Variants in USP34 observed in about 807,000 individuals in gnomAD.
The protein encoded by USP34 is ubiquitin carboxyl-terminal hydrolase 34.
USP34 carries 70 observed loss-of-function variants against 460.3 expected under a neutral mutation model. The ratio of observed to expected loss-of-function variants is 0.15; its 90% CI spans 0.13 to 0.19. The LOEUF is 0.19. Among genes scored for constraint, USP34 ranks in the 10% least tolerant of loss-of-function variants. The pLI is 1.00. For missense variants in USP34, 3,985 were observed against 4,236.2 expected (o/e 0.94, Z 1.65); for synonymous variants, 1,647 against 1,405.3 (o/e 1.17, Z -3.85).
At position 61,206,073 on chromosome 2, in the gene USP34, T is replaced by C; in HGVS notation, c.9098A>G (p.Lys3033Arg). ...ATAGGAATTAAGAAGAGTTAACAGTTTATGGGCAAATTCAATTCGCTCCTG... is the reference window on the plus strand; with the variant it reads ...ATAGGAATTAAGAAGAGTTAACAGTCTATGGGCAAATTCAATTCGCTCCTG... ...QWQERIEFAH[K>R]LLTLLNSYSP... is the part of the protein sequence containing the mutation. Residue 3033 changes from lysine to arginine, a missense_variant, in exon 72 of 80, where the codon AAA (lysine) becomes AGA (arginine). By Grantham distance (26) the Lys-to-Arg change is conservative. Coordinates refer to ENST00000398571, the MANE Select transcript of USP34 (RefSeq NM_014709.4). The C allele has an allele frequency of 1.2e-6, 2 of 1,613,834 alleles. No homozygotes were observed. Among genetic ancestry groups the C allele is most frequent in the Non-Finnish European group, 1.7e-6 (2 of 1,179,848 alleles).
intron 13 of USP34, 41 bp downstream of exon 13, chr2:61,349,209 A>T (rs780791336): frequency 1.1e-5 from 18 of 1,595,480 alleles, no homozygotes; most frequent in Admixed American, 9.1e-5. Flanking sequence ...CACTATAAAA[A>T]ACTAAGTCAT....
Position 61,310,995 on chromosome 2 carries a change from A to G in USP34, c.3817+545T>C, listed in dbSNP as rs114310150. Among the ~76,000 whole-genome samples the G allele has an allele frequency of 5.8e-3, 876 of 152,314 alleles. 9 individuals are homozygous for G. Among genetic ancestry groups the G allele is most frequent in the African/African-American group, 0.02 (837 of 41,582 alleles). On this transcript the variant is annotated intron_variant, in intron 27 of 79. Transcript: ENST00000398571. ...AATAGCATCTGAAGCAACTCTCAGC[A>G]TCTTCTTACCTAAGAATCAATGGTA...
chr2:61,335,150 GATA>G (rs1691379025), intron 18 of USP34, among the ~76,000 whole-genome samples: 1 of 152,136 alleles, frequency 6.6e-6, no homozygotes, highest in Non-Finnish European at 1.5e-5. Context: ...TTGGCCTGGT[GATA>G]ATAATTTATG....
At chr2:61,280,889 A>G (rs1211553084) in intron 38 of USP34, among the ~76,000 whole-genome samples, 1 of 152,166 alleles carries the variant, frequency 6.6e-6, no homozygotes, top group Non-Finnish European at 1.5e-5. Context: ...ACAGAGCTGA[A>G]ATCAGTCTCT....
At chr2:61,346,023 A>G (rs1338452030) in intron 15 of USP34, among the ~76,000 whole-genome samples, 3 of 152,324 alleles carry the variant, frequency 2.0e-5, no homozygotes, top group East Asian at 1.9e-4. Context: ...CAGATAACCA[A>G]AAAGTTTTAT....
In USP34 at chr2:61,295,029, T is replaced by G. The variant is rs757069244; in HGVS notation, c.4381A>C (p.Ser1461Arg). 1 of 1,610,962 alleles carries G rather than the reference T, an allele frequency of 6.2e-7. No homozygotes were observed. Among genetic ancestry groups the G allele is most frequent in the African/African-American group, 1.3e-5 (1 of 74,740 alleles). Residue 1461 changes from serine to arginine, a missense_variant, in exon 32 of 80, where the codon AGT becomes CGT. Physicochemically the swap from Ser to Arg is moderately radical, Grantham distance 110. Transcript: ENST00000398571. ...NRRIRRESTG[S>R]YSDLYPDSDD... ...GAATCTGGATAAAGATCACTGTAAC[T>G]TCCCTATGAGAAAGGCAAAAAAAGT...
At chr2:61,363,778 A>G (rs1329103766) in intron 10 of USP34, among the ~76,000 whole-genome samples, 2 of 152,196 alleles carry the variant, frequency 1.3e-5, no homozygotes, top group African/African-American at 4.8e-5. Context: ...AGCATTACTC[A>G]TAATATCCAA....
intron 7 of USP34, among the ~76,000 whole-genome samples, chr2:61,379,765 C>A (rs931017380): frequency 1.3e-5 from 2 of 152,224 alleles, no homozygotes; most frequent in Admixed American, 1.3e-4. Context: ...GTATTTAAGA[C>A]TATTCAAAAC....
rs118150945 is a variant in USP34, at chr2:61,237,899, T to C, written c.6778-1510A>G. On this transcript the variant is annotated intron_variant, in intron 53 of 79. Transcript: ENST00000398571. ...CCAGCCACCCTAGCTATTTTCTTTTTTCTTTTCTTTTTTTTGAGACAAGTT... is the reference window on the plus strand; with the variant it reads ...CCAGCCACCCTAGCTATTTTCTTTTCTCTTTTCTTTTTTTTGAGACAAGTT... Among the ~76,000 whole-genome samples, 137 of 151,734 alleles carry C rather than the reference T, an allele frequency of 9.0e-4. 1 individual carries two copies. The East Asian group carries it at 0.026, about 29-fold the overall frequency.
chr2:61,206,737 A>G (rs1687131223), intron 71 of USP34, 23 bp downstream of exon 71: 5 of 1,604,256 alleles, frequency 3.1e-6, no homozygotes, highest in Non-Finnish European at 3.4e-6. Context: ...CGAACAAAAC[A>G]TAAGAAGTAG....
rs552541730 is a variant in USP34 at position 61,323,637 on chromosome 2, A to T, written c.3013+1738T>A. 5.9e-5 allele frequency among the ~76,000 whole-genome samples: 9 copies of T among 152,176 alleles called. No homozygotes were observed. The East Asian group carries it at 1.7e-3, about 29-fold the overall frequency. On this transcript the variant is annotated intron_variant, in intron 21 of 79. Coordinates refer to ENST00000398571, the MANE Select transcript of USP34 (RefSeq NM_014709.4). ...TGAAGTGGTGGGGAGAACAGCCATG[A>T]TGTGGGAGAAGTGAAGTTTTAGATT...
Position 61,301,080 on chromosome 2 carries a change from G to A in USP34, c.3999C>T (p.Pro1333=). ...GVQLPASCLP[P]PQKDNIPMLL... ...GCATTGGAATGTTGTCCTTCTGAGG[G>A]GGTGGGAGGCAAGATGCTGGCAGCT... is the stretch of plus-strand genomic sequence containing the variant. Residue 1333 remains proline (P), a synonymous_variant, in exon 29 of 80, where the codon CCC becomes CCT. Transcript: ENST00000398571. 2 of 1,614,052 alleles carry A rather than the reference G, an allele frequency of 1.2e-6. No individual in the cohort carries two copies. Among genetic ancestry groups the A allele is most frequent in the South Asian group, 1.1e-5 (1 of 91,072 alleles).
chr2:61,445,559 A>G (rs1185137762), intron 1 of USP34, among the ~76,000 whole-genome samples: 1 of 150,710 alleles, frequency 6.6e-6, no homozygotes, highest in Non-Finnish European at 1.5e-5. Flanking sequence ...AAAATTGCTA[A>G]GAGAAAAATG....
chr2:61,409,987 G>A (rs980470981), intron 2 of USP34, among the ~76,000 whole-genome samples: 1 of 152,088 alleles, frequency 6.6e-6, no homozygotes, highest in African/African-American at 2.4e-5. Flanking sequence ...TCAATTCTGA[G>A]AAGTCTAGGT....
At chr2:61,382,211 T>C (rs1190017993) in intron 6 of USP34, among the ~76,000 whole-genome samples, 3 of 152,168 alleles carry the variant, frequency 2.0e-5, no homozygotes, top group African/African-American at 7.2e-5. Flanking sequence ...TAAAAAATCA[T>C]GAAACATCTG....
intron 69 of USP34, among the ~76,000 whole-genome samples, chr2:61,211,122 C>G (rs1418743559): frequency 6.6e-6 from 1 of 152,072 alleles, no homozygotes; most frequent in Non-Finnish European, 1.5e-5. Flanking sequence ...ATAACCTCAT[C>G]TTAGATTGAG....
chr2:61,413,168 G>T (rs899492347), intron 2 of USP34, among the ~76,000 whole-genome samples: 1 of 152,078 alleles, frequency 6.6e-6, no homozygotes, highest in Non-Finnish European at 1.5e-5. Flanking sequence ...GGCTGAGGCG[G>T]GCAGATCAGG....
At chr2:61,451,945 G>C (rs1485310656) in intron 1 of USP34, among the ~76,000 whole-genome samples, 1 of 152,108 alleles carries the variant, frequency 6.6e-6, no homozygotes, top group African/African-American at 2.4e-5. Context: ...GGAGGCTGAG[G>C]CGGGCGGATC....
intron 1 of USP34, among the ~76,000 whole-genome samples, chr2:61,464,886 T>C (rs1695716473): frequency 6.6e-6 from 1 of 152,138 alleles, no homozygotes; most frequent in African/African-American, 2.4e-5. Flanking sequence ...TAGAAATGCT[T>C]TGGCCTTTGT....
Sources: gnomAD v4.1 joint callset for allele counts (sites outside exome capture counted in the v4.1 genomes callset) on GRCh38, gnomAD v4.1.1 for gene constraint, MANE v1.5 for transcripts, NCBI Gene and HGNC (gene_info 2026-07-23, HGNC 2026-07-21) for gene names.